Variants in SLC4A4 observed in about 807,000 individuals in gnomAD.
SLC4A4 encodes electrogenic sodium bicarbonate cotransporter 1.
Under a neutral mutation model 111.5 loss-of-function variants are expected in SLC4A4, and 27 were observed. That is an observed-to-expected ratio of 0.24 (90% CI 0.18 to 0.33). SLC4A4 has a LOEUF of 0.33. SLC4A4 is among the 10% of genes least tolerant of loss of function. SLC4A4 has a pLI of 1.00. For synonymous variants in SLC4A4, 443 were observed against 463.4 expected, an observed-to-expected ratio of 0.96 and a Z score of 0.57; for missense variants, 909 against 1,315.5, an observed-to-expected ratio of 0.69 and a Z score of 4.78.
At chr4:71,250,677 G>A (rs1332628397) in intron 2 of SLC4A4, among the ~76,000 whole-genome samples, 2 of 152,112 alleles carry the variant, frequency 1.3e-5, no homozygotes, top group Admixed American at 6.6e-5. Context: ...TGCTCACTAC[G>A]GGTTTGCCTA....
chr4:71,246,397 G>T (rs1720657915), intron 2 of SLC4A4, among the ~76,000 whole-genome samples: 1 of 152,124 alleles, frequency 6.6e-6, no homozygotes, highest in African/African-American at 2.4e-5. Context: ...AGAGGAAAAG[G>T]AATTTAGGTA....
chr4:71,398,000 T>C (rs1348472596), intron 7 of SLC4A4, among the ~76,000 whole-genome samples: 1 of 152,104 alleles, frequency 6.6e-6, no homozygotes. Context: ...TATAAAGAAA[T>C]ACTTGCCTGG....
At chr4:71,068,062 G>GTTTT (rs34542882) in intron 1 of SLC4A4, among the ~76,000 whole-genome samples, 2 of 136,316 alleles carry the variant, frequency 1.5e-5, no homozygotes, top group Non-Finnish European at 3.1e-5. Flanking sequence ...TTGAACAAAC[G>GTTTT]TTTTTTTTTT....
At position 71,547,692 on chromosome 4, in the gene SLC4A4, TGTCA is replaced by T; in HGVS notation, c.2670_2673del (p.Val891LeufsTer6). On this transcript the variant is annotated frameshift_variant, in exon 20 of 26. Coordinates refer to ENST00000264485, the MANE Select transcript of SLC4A4 (RefSeq NM_001098484.3). LOFTEE classifies it high-confidence loss of function. ...ACCCTTGTGTTTATTCTGACTGGTC[TGTCA>T]GTCTTTATGGCTCCCATCTTGAAGG... 6.2e-7 allele frequency: 1 copy of T among 1,611,990 alleles called. No homozygotes were observed. Among genetic ancestry groups the T allele is most frequent in the South Asian group, 1.1e-5 (1 of 91,024 alleles).
intron 2 of SLC4A4, among the ~76,000 whole-genome samples, chr4:71,240,755 C>A (rs1720147714): frequency 6.6e-6 from 1 of 152,124 alleles, no homozygotes; most frequent in Non-Finnish European, 1.5e-5. Context: ...ATAACATAAA[C>A]TAAATAAAGC....
intron 3 of SLC4A4, among the ~76,000 whole-genome samples, chr4:71,257,582 A>G (rs1721546992): frequency 6.6e-6 from 1 of 152,324 alleles, no homozygotes; most frequent in Admixed American, 6.5e-5. Context: ...TGGCACCAAC[A>G]TGATGACAAA....
chr4:71,344,009 T>C (rs1729108179), intron 4 of SLC4A4, among the ~76,000 whole-genome samples: 1 of 152,176 alleles, frequency 6.6e-6, no homozygotes, highest in African/African-American at 2.4e-5. Context: ...CTATCTATAA[T>C]TGAAACCTTC....
intron 1 of SLC4A4, among the ~76,000 whole-genome samples, chr4:71,089,887 G>GA (rs1742326432): frequency 7.2e-6 from 1 of 138,822 alleles, no homozygotes; most frequent in Non-Finnish European, 1.6e-5. Context: ...CAGATCTCCA[G>GA]CTGTGTGCTG....
intron 3 of SLC4A4, among the ~76,000 whole-genome samples, chr4:71,312,315 G>A (rs576507502): frequency 8.5e-5 from 13 of 152,250 alleles, no homozygotes; most frequent in African/African-American, 2.9e-4. Context: ...AGGACCTGAC[G>A]GATTCACAGC....
intron 3 of SLC4A4, among the ~76,000 whole-genome samples, chr4:71,261,170 C>T (rs1341114253): frequency 6.6e-6 from 1 of 152,144 alleles, no homozygotes; most frequent in East Asian, 1.9e-4. Flanking sequence ...TGTCAGTCTG[C>T]ACGTTGGCTG....
intron 1 of SLC4A4, among the ~76,000 whole-genome samples, chr4:71,191,753 T>G (rs1380127865): frequency 6.6e-6 from 1 of 152,194 alleles, no homozygotes; most frequent in Non-Finnish European, 1.5e-5. Flanking sequence ...CTTTTGTTTT[T>G]CATGTAGAAT....
chr4:71,262,452 A>G (rs1375857012), intron 3 of SLC4A4, among the ~76,000 whole-genome samples: 4 of 152,152 alleles, frequency 2.6e-5, no homozygotes, highest in African/African-American at 4.8e-5. Context: ...TCACTTTTAT[A>G]GAGGTGTTGC....
In SLC4A4 at chr4:71,372,472, T is replaced by A. The variant is rs1217818707; in HGVS notation, c.730+15285T>A. Among the ~76,000 whole-genome samples, 3 of 152,340 alleles carry A rather than the reference T, an allele frequency of 2.0e-5. No homozygotes were observed. The East Asian group carries it at 5.8e-4, about 29-fold the overall frequency. On this transcript the variant is annotated intron_variant, in intron 6 of 25. Coordinates refer to ENST00000264485, the MANE Select transcript of SLC4A4 (RefSeq NM_001098484.3). ...TATTAGAGCATAAGAACATACCCTA[T>A]CTTGCTAGATCCAGAATGGCTTTTC...
At chr4:71,210,932 T>G (rs1414766166) in intron 1 of SLC4A4, among the ~76,000 whole-genome samples, 3 of 152,184 alleles carry the variant, frequency 2.0e-5, no homozygotes, top group Non-Finnish European at 1.5e-5. Flanking sequence ...TGAAAAGTGA[T>G]AGAGAAAAAA....
rs376840498 is a variant in SLC4A4, at chr4:71,339,307, G to A, written c.254-63G>A. The A allele has an allele frequency of 1.1e-5, 18 of 1,614,040 alleles. No individual in the cohort carries two copies. The highest frequency in any genetic ancestry group is 8.0e-5 in the African/African-American group (6 of 74,904). ...AACCTTGGGGAGAGAGGAAGAGCCCGGAGCTCCACTTTCCTCAGGGTTGTC... is the reference window on the plus strand; with the variant it reads ...AACCTTGGGGAGAGAGGAAGAGCCCAGAGCTCCACTTTCCTCAGGGTTGTC... On this transcript the variant is annotated intron_variant, in intron 3 of 25. Coordinates refer to ENST00000264485, the MANE Select transcript of SLC4A4 (RefSeq NM_001098484.3).
intron 2 of SLC4A4, among the ~76,000 whole-genome samples, chr4:71,101,154 G>A (rs1038195590): frequency 1.3e-5 from 2 of 152,160 alleles, no homozygotes; most frequent in African/African-American, 4.8e-5. Context: ...AGCTACTCGG[G>A]AGGCTGAGGC....
At chr4:71,079,290 G>T (rs149362122) in intron 1 of SLC4A4, among the ~76,000 whole-genome samples, 1 of 152,222 alleles carries the variant, frequency 6.6e-6, no homozygotes, top group African/African-American at 2.4e-5. Context: ...CATTCCTATC[G>T]CAAGCCCGAG....
At position 71,110,387 on chromosome 4, in the gene SLC4A4, G is replaced by A. The variant is rs567785596; in HGVS notation, c.-2+17595G>A. On this transcript the variant is annotated intron_variant, in intron 2 of 26. Coordinates refer to the SLC4A4 transcript ENST00000649996. ...ATGTTACCATGCCCAGCTAATTTTC[G>A]TAGAGATGGGGTTTCACCATGTTGC... 5.3e-5 allele frequency among the ~76,000 whole-genome samples: 8 copies of A among 151,906 alleles called. No individual in the cohort carries two copies. In the East Asian group the frequency reaches 5.8e-4, roughly 11 times the overall value.
intron 7 of SLC4A4, among the ~76,000 whole-genome samples, chr4:71,429,420 T>TA (rs568063963): frequency 6.6e-6 from 1 of 151,792 alleles, no homozygotes; most frequent in African/African-American, 2.4e-5. Context: ...TAAGAAAGGT[T>TA]AAAAAAAATT....
Sources: gnomAD v4.1 joint callset for allele counts (sites outside exome capture counted in the v4.1 genomes callset) on GRCh38, gnomAD v4.1.1 for gene constraint, MANE v1.5 for transcripts, NCBI Gene and HGNC (gene_info 2026-07-23, HGNC 2026-07-21) for gene names.